Variants in LY86 observed in about 807,000 individuals in gnomAD.
The protein encoded by LY86 is MD-1, RP105-associated.
A neutral mutation model predicts 17.3 loss-of-function variants in LY86; 20 were observed. The observed-to-expected ratio is 1.15, with a 90% CI of 0.81 to 1.68. The LOEUF is 1.68. LY86 is among the 40% of genes most tolerant of loss of function. LY86 has a pLI of 0.00. For missense variants in LY86, 200 were observed against 191.9 expected, an observed-to-expected ratio of 1.04 and a Z score of -0.25; for synonymous variants, 74 against 70.6, an observed-to-expected ratio of 1.05 and a Z score of -0.24.
At chr6:6,607,795 G>T (rs2113108811) in intron 1 of LY86, among the ~76,000 whole-genome samples, 1 of 152,248 alleles carries the variant, frequency 6.6e-6, no homozygotes, top group South Asian at 2.1e-4. Flanking sequence ...AGCTACTCGG[G>T]AGGTTGAGGC....
intron 3 of LY86, among the ~76,000 whole-genome samples, chr6:6,647,745 G>C (rs1762125423): frequency 1.3e-5 from 2 of 152,124 alleles, no homozygotes; most frequent in South Asian, 2.1e-4. Flanking sequence ...GAATGTTGGA[G>C]GGCCTCAGGA....
Position 6,643,222 on chromosome 6 carries a change from C to T in LY86, c.353-6403C>T, listed in dbSNP as rs139999699. On this transcript the variant is annotated intron_variant, in intron 3 of 4. Transcript: ENST00000230568. ...CTGTACTAATTTACATTCCCACCGA[C>T]AGTGGGAATTTCTCACAGAATTAGT... is the stretch of plus-strand genomic sequence containing the variant. 9.1e-4 allele frequency among the ~76,000 whole-genome samples: 138 copies of T among 152,288 alleles called. 3 individuals are homozygous for T. The East Asian group carries it at 0.02, about 22-fold the overall frequency.
At chr6:6,625,973 C>T (rs191877592) in intron 2 of LY86, among the ~76,000 whole-genome samples, 58 of 152,292 alleles carry the variant, frequency 3.8e-4, no homozygotes, top group African/African-American at 1.4e-3. Flanking sequence ...TACTATGCAA[C>T]TGAGAAATTC....
At position 6,639,580 on chromosome 6, in the gene LY86, G is replaced by A. The variant is rs528315457; in HGVS notation, c.353-10045G>A. Among the ~76,000 whole-genome samples, 55 of 152,256 alleles carry A rather than the reference G, an allele frequency of 3.6e-4. No individual in the cohort carries two copies. In the Middle Eastern group the frequency reaches 0.017, roughly 47 times the overall value. The stretch of plus-strand genomic sequence containing the variant: ...TTTTTCAGTTTCTAGAGGCTGCTGC[G>A]TTCCTCGGCCCGTAGTGGCATCACT... On this transcript the variant is annotated intron_variant, in intron 3 of 4. Transcript: ENST00000230568.
intron 3 of LY86, among the ~76,000 whole-genome samples, chr6:6,628,247 C>G (rs1475653138): frequency 7.1e-6 from 1 of 141,176 alleles, no homozygotes; most frequent in Non-Finnish European, 1.5e-5. Flanking sequence ...TTTCTCCTTC[C>G]CTCCCTCCCT....
At chr6:6,612,075 A>C (rs1266502271) in intron 1 of LY86, among the ~76,000 whole-genome samples, 2 of 152,360 alleles carry the variant, frequency 1.3e-5, no homozygotes, top group South Asian at 4.1e-4. Context: ...CCAATGTATT[A>C]GCAAGATTTG....
intron 1 of LY86, among the ~76,000 whole-genome samples, chr6:6,605,135 G>A (rs1761062581): frequency 6.6e-6 from 1 of 151,878 alleles, no homozygotes; most frequent in African/African-American, 2.4e-5. Flanking sequence ...AAAATGGAAT[G>A]ACAAGCAAAG....
Position 6,590,116 on chromosome 6 carries a change from C to CT in LY86, c.136+1248dup, listed in dbSNP as rs1448337386. Reference sequence around the variant, plus strand: ...CTGGGCAAGAGGAGCGAAACTCTGTCTTAAAAAAAAAAAAAAAAAAAAAAA... The same window carrying CT: ...CTGGGCAAGAGGAGCGAAACTCTGTCTTTAAAAAAAAAAAAAAAAAAAAAAA... On this transcript the variant is annotated intron_variant, in intron 1 of 4. Coordinates refer to ENST00000230568, the MANE Select transcript of LY86 (RefSeq NM_004271.4). 2.1e-3 allele frequency among the ~76,000 whole-genome samples: 114 copies of CT among 53,820 alleles called. 1 individual carries two copies. Among genetic ancestry groups the CT allele is most frequent in the East Asian group, 3.9e-3 (4 of 1,014 alleles). The allele number at this position is 53,820 out of a possible 152,430, so 35.3% of individuals were successfully genotyped here. A position where few individuals can be genotyped will look rare whatever the true frequency, so the allele number is the denominator to read the frequency against.
At chr6:6,636,083 T>A (rs940625354) in intron 3 of LY86, among the ~76,000 whole-genome samples, 1 of 152,170 alleles carries the variant, frequency 6.6e-6, no homozygotes, top group Admixed American at 6.5e-5. Context: ...GTTTCCAGTT[T>A]CGTACATCAG....
chr6:6,599,794 A>G (rs1490765625), intron 1 of LY86, among the ~76,000 whole-genome samples: 2 of 152,184 alleles, frequency 1.3e-5, no homozygotes, highest in Non-Finnish European at 2.9e-5. Context: ...CAGAAAACCA[A>G]TGTGTCCTAA....
chr6:6,625,643 G>T (rs1761772169), intron 2 of LY86, among the ~76,000 whole-genome samples: 1 of 152,212 alleles, frequency 6.6e-6, no homozygotes, highest in Non-Finnish European at 1.5e-5. Context: ...TTAGCATGTG[G>T]AATCATTCCA....
chr6:6,645,814 C>A (rs1359814901), intron 3 of LY86, among the ~76,000 whole-genome samples: 1 of 151,338 alleles, frequency 6.6e-6, no homozygotes, highest in African/African-American at 2.4e-5. Context: ...CCCAATCCAG[C>A]CAACAAAAGC....
chr6:6,598,678 T>A (rs1053974102), intron 1 of LY86, among the ~76,000 whole-genome samples: 2 of 152,234 alleles, frequency 1.3e-5, no homozygotes, highest in Non-Finnish European at 2.9e-5. Context: ...GCTAAGTCAG[T>A]GTCTTGTAAC....
At chr6:6,612,036 G>C (rs375857079) in intron 1 of LY86, among the ~76,000 whole-genome samples, 14 of 152,172 alleles carry the variant, frequency 9.2e-5, no homozygotes, top group Non-Finnish European at 1.9e-4. Flanking sequence ...TCTTGTATTA[G>C]GAGAGAGCAA....
intron 4 of LY86, among the ~76,000 whole-genome samples, chr6:6,650,340 GT>G (rs139329401): frequency 4.2e-4 from 62 of 148,046 alleles, no homozygotes; most frequent in African/African-American, 5.2e-4. Flanking sequence ...TCAGATAATG[GT>G]TTTTTTTTTT....
intron 1 of LY86, chr6:6,621,086 C>G (rs554913481): frequency 2.0e-5 from 3 of 152,240 alleles, no homozygotes; most frequent in Non-Finnish European, 2.9e-5. Flanking sequence ...ACAGGACAGA[C>G]AGCAAGGGAG....
intron 3 of LY86, among the ~76,000 whole-genome samples, chr6:6,633,626 C>T (rs1761925524): frequency 6.6e-6 from 1 of 152,062 alleles, no homozygotes; most frequent in South Asian, 2.1e-4. Context: ...TGTTGTTTGC[C>T]CCAATGTGTC....
chr6:6,608,358 G>A (rs1280251586), intron 1 of LY86, among the ~76,000 whole-genome samples: 1 of 152,236 alleles, frequency 6.6e-6, no homozygotes, highest in Non-Finnish European at 1.5e-5. Context: ...TAGCTAGCAT[G>A]CATCGCGTTA....
chr6:6,654,794 C>T lies in LY86; in HGVS notation c.*167C>T, dbSNP rs982011959. 8.2e-6 allele frequency: 5 copies of T among 610,248 alleles called. No homozygotes were observed. The highest frequency in any genetic ancestry group is 1.5e-5 in the Non-Finnish European group (5 of 343,640). The allele number at this position is 610,248 out of a possible 1,614,324, so 37.8% of individuals were successfully genotyped here. A position where few individuals can be genotyped will look rare whatever the true frequency, so the allele number is the denominator to read the frequency against. On this transcript the variant is annotated 3_prime_UTR_variant, in exon 5 of 5. Transcript: ENST00000230568. The stretch of plus-strand genomic sequence containing the variant: ...AATTTTAGTCCCAGGACCAGACATC[C>T]CCAGACTCCACAGATGTAATGAAGT...
Sources: gnomAD v4.1 joint callset for allele counts (sites outside exome capture counted in the v4.1 genomes callset) on GRCh38, gnomAD v4.1.1 for gene constraint, MANE v1.5 for transcripts, NCBI Gene and HGNC (gene_info 2026-07-23, HGNC 2026-07-21) for gene names.